The following STK38 variants were observed in gnomAD, a reference collection of about 807,000 sequenced individuals.
STK38 encodes serine/threonine kinase 38, also known as serine/threonine-protein kinase 38.
A neutral mutation model predicts 59.0 loss-of-function variants in STK38; 26 were observed. The observed-to-expected ratio is 0.44, with a 90% CI of 0.32 to 0.61. The LOEUF (loss-of-function observed/expected upper bound fraction) is 0.61. Among genes scored for constraint, STK38 ranks in the 20% least tolerant of loss-of-function variants. The pLI is 0.04. For missense variants in STK38, 433 were observed against 566.0 expected, an observed-to-expected ratio of 0.76 and a Z score of 2.38; for synonymous variants, 175 against 176.6, an observed-to-expected ratio of 0.99 and a Z score of 0.07.
chr6:36,502,529 C>T (rs546325965), intron 9 of STK38, among the ~76,000 whole-genome samples: 1 of 151,992 alleles, frequency 6.6e-6, no homozygotes, highest in South Asian at 2.1e-4. Context: ...TATCTTCTCC[C>T]AGATTGACGC....
At chr6:36,539,745 ATT>A (rs55784149) in intron 2 of STK38, among the ~76,000 whole-genome samples, 18 of 131,206 alleles carry the variant, frequency 1.4e-4, no homozygotes, top group African/African-American at 1.4e-4. Flanking sequence ...ATTGGGCCTA[ATT>A]TTTTTTTTTT....
intron 5 of STK38, among the ~76,000 whole-genome samples, chr6:36,518,686 T>C (rs1202027023): frequency 6.6e-6 from 1 of 152,078 alleles, no homozygotes; most frequent in African/African-American, 2.4e-5. Flanking sequence ...GCCTCCTAAG[T>C]AGCTAGGATT....
chr6:36,510,700 G>A (rs1302414009), intron 7 of STK38, among the ~76,000 whole-genome samples: 1 of 152,210 alleles, frequency 6.6e-6, no homozygotes, highest in Non-Finnish European at 1.5e-5. Flanking sequence ...CACCTTCTAT[G>A]AGTCAGGCAC....
intron 1 of STK38, among the ~76,000 whole-genome samples, chr6:36,542,292 T>C (rs1777957204): frequency 6.6e-6 from 1 of 152,230 alleles, no homozygotes; most frequent in Non-Finnish European, 1.5e-5. Context: ...TTGCCGTTTA[T>C]TTGAATTTAC....
chr6:36,525,915 G>A (rs571696579), intron 2 of STK38, among the ~76,000 whole-genome samples: 73 of 152,170 alleles, frequency 4.8e-4, no homozygotes, highest in African/African-American at 1.4e-3. Context: ...ATGCAGTGGC[G>A]CAATCTCAGC....
At chr6:36,530,323 C>T (rs540145134) in intron 2 of STK38, among the ~76,000 whole-genome samples, 1 of 151,900 alleles carries the variant, frequency 6.6e-6, no homozygotes, top group Non-Finnish European at 1.5e-5. Flanking sequence ...GGGGAAAGGG[C>T]TGTGATTACA....
At chr6:36,542,282 T>C (rs1316624951) in intron 1 of STK38, among the ~76,000 whole-genome samples, 1 of 152,236 alleles carries the variant, frequency 6.6e-6, no homozygotes, top group Non-Finnish European at 1.5e-5. Context: ...TGATAAATGT[T>C]TGCCGTTTAT....
chr6:36,509,889 T>C (rs1022428280), intron 7 of STK38, among the ~76,000 whole-genome samples: 23 of 152,162 alleles, frequency 1.5e-4, no homozygotes, highest in Admixed American at 1.2e-3. Flanking sequence ...ATAGCTCCTT[T>C]CTGCAGCAGG....
chr6:36,545,287 T>A (rs1322626714), intron 1 of STK38, among the ~76,000 whole-genome samples: 8 of 90,838 alleles, frequency 8.8e-5, no homozygotes, highest in African/African-American at 4.2e-4. Flanking sequence ...AGACTCCGTC[T>A]GGAAAAAAAA....
intron 7 of STK38, among the ~76,000 whole-genome samples, chr6:36,507,864 G>A (rs2127471149): frequency 6.6e-6 from 1 of 151,202 alleles, no homozygotes; most frequent in East Asian, 1.9e-4. Flanking sequence ...CCCCTCCATA[G>A]CATCTAGAGA....
intron 2 of STK38, among the ~76,000 whole-genome samples, chr6:36,534,801 A>G (rs1777747844): frequency 8.1e-6 from 1 of 123,110 alleles, no homozygotes; most frequent in South Asian, 2.5e-4. Flanking sequence ...ACTTCTATTC[A>G]ACATTTTATG....
chr6:36,511,583 C>T (rs550549687), intron 7 of STK38, among the ~76,000 whole-genome samples: 2 of 151,580 alleles, frequency 1.3e-5, no homozygotes, highest in South Asian at 4.2e-4. Flanking sequence ...GTCTTGAACT[C>T]CTGACCTCAT....
Position 36,507,565 on chromosome 6 carries a change from C to A in STK38, c.707G>T (p.Gly236Val). 1.2e-6 allele frequency: 2 copies of A among 1,614,000 alleles called. No individual in the cohort carries two copies. Residue 236 changes from glycine to valine, a missense_variant, in exon 8 of 14, where the codon GGA becomes GTA. This residue lies in a region of STK38 where 293 missense variants were observed against 388.2 expected (regional missense o/e 0.75). Transcript: ENST00000229812. ...TTCTGTCCTATGTGCTTTTTTCAGTCCTGTGCAAAGACCAAAGTCAGAAAG... is the reference window on the plus strand; with the variant it reads ...TTCTGTCCTATGTGCTTTTTTCAGTACTGTGCAAAGACCAAAGTCAGAAAG... ...VKLSDFGLCT[G>V]LKKAHRTEFY... is the part of the protein sequence containing the mutation.
At position 36,504,898 on chromosome 6, in the gene STK38, CAAAAAAAAA is replaced by C. The variant is rs562032331; in HGVS notation, c.834+1676_834+1684del. Among the ~76,000 whole-genome samples, 437 of 64,114 alleles carry C rather than the reference CAAAAAAAAA, an allele frequency of 6.8e-3. 2 individuals carry two copies. Among genetic ancestry groups the C allele is most frequent in the African/African-American group, 0.024 (406 of 17,108 alleles). 42.1% of individuals were successfully genotyped at this position (64,114 alleles called of 152,430 possible). A position where few individuals can be genotyped will look rare whatever the true frequency, so the allele number is the denominator to read the frequency against. ...TAGCCAAAGGTTAAATCCTGGCCTC[CAAAAAAAAA>C]AAAAAAAAAAAAAAAGAAAGAAAGA... On this transcript the variant is annotated intron_variant, in intron 9 of 13. Coordinates refer to ENST00000229812, the MANE Select transcript of STK38 (RefSeq NM_007271.4).
chr6:36,506,585 G>A lies in STK38; in HGVS notation c.832C>T (p.Leu278=), dbSNP rs750152412. The A allele has an allele frequency of 4.3e-6, 7 of 1,613,044 alleles. No individual in the cohort carries two copies. The East Asian group carries it at 1.6e-4, about 36-fold the overall frequency. Residue 278 remains leucine, a splice_region_variant and synonymous_variant, in exon 9 of 14, where the codon CTA becomes TTA. Coordinates refer to ENST00000229812, the MANE Select transcript of STK38 (RefSeq NM_007271.4). ...CAGAAGCCACAGATATTACTTACTA[G>A]CTGACGTCTATTTCTTTTCCAGGTT... ...AETWKRNRRQ[L]AFSTVGTPDY...
chr6:36,546,280 T>C (rs535836379), intron 1 of STK38, among the ~76,000 whole-genome samples: 12 of 152,310 alleles, frequency 7.9e-5, no homozygotes, highest in South Asian at 6.2e-4. Flanking sequence ...TTATGTGTGA[T>C]GGGGGATAGG....
intron 9 of STK38, among the ~76,000 whole-genome samples, chr6:36,501,437 A>G (rs1776836525): frequency 6.6e-6 from 1 of 152,186 alleles, no homozygotes; most frequent in African/African-American, 2.4e-5. Context: ...TGTTTTTAAA[A>G]CATGTATTAT....
At chr6:36,534,357 T>C (rs775874149) in intron 2 of STK38, among the ~76,000 whole-genome samples, 3 of 152,106 alleles carry the variant, frequency 2.0e-5, no homozygotes, top group Non-Finnish European at 4.4e-5. Context: ...CTCAGCCAAA[T>C]TGGAACATAG....
chr6:36,503,540 A>C (rs909664828), intron 9 of STK38, among the ~76,000 whole-genome samples: 1 of 152,082 alleles, frequency 6.6e-6, no homozygotes, highest in African/African-American at 2.4e-5. Context: ...TGACATGTGG[A>C]TTAGGCCCTC....
Sources: allele counts gnomAD v4.1 joint callset (sites outside exome capture counted in the v4.1 genomes callset), GRCh38; gene constraint gnomAD v4.1.1; regional missense constraint gnomAD v4.1.1; transcripts MANE v1.5; gene names NCBI Gene and HGNC (gene_info 2026-07-23, HGNC 2026-07-21).